SMURF2: variants seen among roughly 807,000 people sequenced by gnomAD.
The protein encoded by SMURF2 is E3 ubiquitin-protein ligase SMURF2.
Under a neutral mutation model 109.6 loss-of-function variants are expected in SMURF2, and 48 were observed. The ratio of observed to expected loss-of-function variants is 0.44; its 90% CI spans 0.35 to 0.56. SMURF2 has a LOEUF of 0.56. Among genes scored for constraint, SMURF2 ranks in the 20% least tolerant of loss-of-function variants. SMURF2 has a pLI of 0.01. For missense variants in SMURF2, 575 were observed against 909.0 expected, an observed-to-expected ratio of 0.63 and a Z score of 4.72; for synonymous variants, 288 against 317.1, an observed-to-expected ratio of 0.91 and a Z score of 0.97.
At chr17:64,586,651 T>TG (rs1555687117) in intron 5 of SMURF2, among the ~76,000 whole-genome samples, 9 of 145,694 alleles carry the variant, frequency 6.2e-5, no homozygotes, top group African/African-American at 2.3e-4. Context: ...CTCGGGAGGC[T>TG]GAGGCAGGAG....
chr17:64,637,944 T>A (rs1555692230), intron 1 of SMURF2, among the ~76,000 whole-genome samples: 44 of 126,486 alleles, frequency 3.5e-4, no homozygotes, highest in African/African-American at 1.4e-3. Context: ...AAAAAAAAAA[T>A]CAACTGACCA....
intron 1 of SMURF2, among the ~76,000 whole-genome samples, chr17:64,607,424 G>A (rs1598293385): frequency 1.3e-5 from 2 of 151,604 alleles, no homozygotes; most frequent in Admixed American, 6.6e-5. Flanking sequence ...TCAGGAGTTC[G>A]AGACCAGCCT....
rs146893228 is a variant in SMURF2, at chr17:64,593,410, T to C, written c.334+30A>G. The C allele has an allele frequency of 2.1e-4, 337 of 1,592,650 alleles. 3 individuals carry two copies. In the East Asian group the frequency reaches 6.6e-3, roughly 31 times the overall value. On this transcript the variant is annotated intron_variant, in intron 4 of 18. Coordinates refer to ENST00000262435, the MANE Select transcript of SMURF2 (RefSeq NM_022739.4). ...ATACACACACACACATATATGTTTT[T>C]TAATTGGAAAAGCACTCGTATCTAC...
chr17:64,644,186 G>A (rs1481001084), intron 1 of SMURF2, among the ~76,000 whole-genome samples: 2 of 151,888 alleles, frequency 1.3e-5, no homozygotes, highest in Non-Finnish European at 2.9e-5. Flanking sequence ...TGCAGTTTTT[G>A]TAGAGACGGA....
chr17:64,564,583 T>C (rs1008161628), intron 10 of SMURF2, among the ~76,000 whole-genome samples: 1 of 152,146 alleles, frequency 6.6e-6, no homozygotes. Context: ...CAAAAACTGA[T>C]GTCTTTATAA....
At chr17:64,590,697 G>C (rs1399629498) in intron 5 of SMURF2, among the ~76,000 whole-genome samples, 5 of 152,020 alleles carry the variant, frequency 3.3e-5, no homozygotes. Context: ...AATTAGCATA[G>C]ATTTTAAAGC....
chr17:64,662,058 C>T lies in SMURF2; in HGVS notation c.-178G>A. On this transcript the variant is annotated 5_prime_UTR_variant, in exon 1 of 19. Coordinates refer to ENST00000262435, the MANE Select transcript of SMURF2 (RefSeq NM_022739.4). ...CATGAGCCGCGGAGGGAGCGGGACG[C>T]CGAGCTCCCCCCTCCTCCCACTTCT... 9.0e-7 allele frequency: 1 copy of T among 1,105,242 alleles called. No homozygotes were observed. The allele number at this position is 1,105,242 out of a possible 1,614,324, so 68.5% of individuals were successfully genotyped here. A position where few individuals can be genotyped will look rare whatever the true frequency, so the allele number is the denominator to read the frequency against.
intron 1 of SMURF2, among the ~76,000 whole-genome samples, chr17:64,645,676 G>T (rs1970550003): frequency 6.6e-6 from 1 of 152,198 alleles, no homozygotes; most frequent in South Asian, 2.1e-4. Flanking sequence ...GTATCGCTAT[G>T]TTGCCAGGCT....
chr17:64,561,761 C>T (rs1969223372), intron 11 of SMURF2, among the ~76,000 whole-genome samples, 158 bp from the exon 12 acceptor site: 1 of 152,152 alleles, frequency 6.6e-6, no homozygotes, highest in Admixed American at 6.5e-5. Context: ...CTTTGGGAGG[C>T]TGAGGCAGGA....
At position 64,581,248 on chromosome 17, in the gene SMURF2, G is replaced by A. The variant is rs1485890474; in HGVS notation, c.570-257C>T. On this transcript the variant is annotated intron_variant, in intron 7 of 18. Coordinates refer to ENST00000262435, the MANE Select transcript of SMURF2 (RefSeq NM_022739.4). The surrounding 1 kb of genome is among the most constrained non-coding windows in gnomAD (Gnocchi z 4.3). Reference sequence around the variant, plus strand: ...ATGACATTTGATATAAAATCCATACGTATCTGTGGATGTGAGACTGGCTTA... The same window carrying A: ...ATGACATTTGATATAAAATCCATACATATCTGTGGATGTGAGACTGGCTTA... Among the ~76,000 whole-genome samples, 2 of 152,148 alleles carry A rather than the reference G, an allele frequency of 1.3e-5. No individual in the cohort carries two copies. The highest frequency in any genetic ancestry group is 2.9e-5 in the Non-Finnish European group (2 of 68,044).
intron 9 of SMURF2, among the ~76,000 whole-genome samples, chr17:64,575,432 T>C (rs1555685981): frequency 2.6e-5 from 4 of 151,854 alleles, no homozygotes. Context: ...GGATTACAGG[T>C]GTGAGCCACC....
chr17:64,637,359 T>C lies in SMURF2; in HGVS notation c.52+24470A>G, dbSNP rs151298577. ...CCAGACTGGTCCCGAACTCCTGGCC[T>C]CAAACAACCACTCGTCTCGACCTCC... On this transcript the variant is annotated intron_variant, in intron 1 of 18. Coordinates refer to ENST00000262435, the MANE Select transcript of SMURF2 (RefSeq NM_022739.4). Among the ~76,000 whole-genome samples, 12 of 152,076 alleles carry C rather than the reference T, an allele frequency of 7.9e-5. No homozygotes were observed. In the East Asian group the frequency reaches 2.3e-3, roughly 30 times the overall value.
At chr17:64,650,183 G>T (rs1970616529) in intron 1 of SMURF2, among the ~76,000 whole-genome samples, 1 of 147,928 alleles carries the variant, frequency 6.8e-6, no homozygotes, top group African/African-American at 2.5e-5. Flanking sequence ...CCATCATATT[G>T]CTAAAATAAA....
In SMURF2 at chr17:64,581,769, AC is replaced by A. The variant is rs1380014263; in HGVS notation, c.570-779del. 6.6e-6 allele frequency among the ~76,000 whole-genome samples: 1 copy of A among 151,890 alleles called. No individual in the cohort carries two copies. The highest frequency in any genetic ancestry group is 1.5e-5 in the Non-Finnish European group (1 of 67,990). ...AGACCAGCCTGGCCAACACAGCGAA[AC>A]CCCATCTCTACTAAAAATACAAAAA... is the stretch of plus-strand genomic sequence containing the variant. On this transcript the variant is annotated intron_variant, in intron 7 of 18. Transcript: ENST00000262435. The surrounding 1 kb of genome is among the most constrained non-coding windows in gnomAD (Gnocchi z 4.3).
Position 64,567,907 on chromosome 17 carries a change from G to A in SMURF2, c.1016+3891C>T, listed in dbSNP as rs371371983. ...TTTCGCTCTATTGCCAGGCTGGAGT[G>A]CAGTGGCGCTGTCTCGGCTCACTGC... On this transcript the variant is annotated intron_variant, in intron 10 of 18. Coordinates refer to ENST00000262435, the MANE Select transcript of SMURF2 (RefSeq NM_022739.4). Among the ~76,000 whole-genome samples, 33 of 146,864 alleles carry A rather than the reference G, an allele frequency of 2.2e-4. No individual in the cohort carries two copies. The East Asian group carries it at 4.4e-3, about 20-fold the overall frequency.
At chr17:64,555,668 G>A (rs1269480155) in intron 14 of SMURF2, 152 bp downstream of exon 14, 1 of 479,338 alleles carries the variant, frequency 2.1e-6, no homozygotes, top group East Asian at 3.3e-5. Context: ...GTATAAAGAA[G>A]CTACAGGAAA....
In SMURF2 at chr17:64,543,270, CTTT is replaced by C. The variant is rs376543871; in HGVS notation, c.*2575_*2577del. On this transcript the variant is annotated 3_prime_UTR_variant, in exon 19 of 19. Coordinates refer to ENST00000262435, the MANE Select transcript of SMURF2 (RefSeq NM_022739.4). ...CATAGACTGTTATGGAGAGTAATTT[CTTT>C]TTTTTTTTTTTTTGGGCGGGGACGG... The C allele has an allele frequency of 1.5e-4, 20 of 134,086 alleles. No homozygotes were observed. Among genetic ancestry groups the C allele is most frequent in the Admixed American group, 3.0e-4 (4 of 13,398 alleles). 8.3% of individuals were successfully genotyped at this position (134,086 alleles called of 1,614,324 possible).
intron 1 of SMURF2, among the ~76,000 whole-genome samples, chr17:64,613,763 G>A (rs1159085258): frequency 7.1e-6 from 1 of 141,074 alleles, no homozygotes; most frequent in African/African-American, 2.6e-5. Context: ...GCAGAGGGGA[G>A]CAGGCAAGGG....
intron 2 of SMURF2, among the ~76,000 whole-genome samples, chr17:64,599,096 G>A (rs1969857189): frequency 6.6e-6 from 1 of 152,178 alleles, no homozygotes. Flanking sequence ...TAGTGATACT[G>A]ATTGTAACGC....
Sources: allele counts gnomAD v4.1 joint callset (sites outside exome capture counted in the v4.1 genomes callset), GRCh38; gene constraint gnomAD v4.1.1; non-coding constraint Gnocchi (gnomAD v3.1); transcripts MANE v1.5; gene names NCBI Gene and HGNC (gene_info 2026-07-23, HGNC 2026-07-21).